PEBP4: variants seen among roughly 807,000 people sequenced by gnomAD.
The protein encoded by PEBP4 is phosphatidylethanolamine-binding protein 4.
Under a neutral mutation model 23.9 loss-of-function variants are expected in PEBP4, and 22 were observed. That is an observed-to-expected ratio of 0.92 (90% CI 0.66 to 1.31). The LOEUF (loss-of-function observed/expected upper bound fraction) is 1.31. Among genes scored for constraint, PEBP4 ranks in the 40% most tolerant of loss-of-function variants. The pLI, the probability that PEBP4 is intolerant of heterozygous loss-of-function variation, is 0.00. For missense variants in PEBP4, 324 were observed against 281.7 expected (o/e 1.15, Z -1.07); for synonymous variants, 112 against 99.3 (o/e 1.13, Z -0.76).
At chr8:22,926,365 G>A (rs1439652356) in intron 2 of PEBP4, among the ~76,000 whole-genome samples, 1 of 151,932 alleles carries the variant, frequency 6.6e-6, no homozygotes, top group African/African-American at 2.4e-5. Flanking sequence ...TTGTTGTTTA[G>A]GCAGGGTCTG....
At chr8:22,890,400 A>T (rs1808470287) in intron 3 of PEBP4, among the ~76,000 whole-genome samples, 1 of 152,222 alleles carries the variant, frequency 6.6e-6, no homozygotes, top group Admixed American at 6.5e-5. Context: ...TAGGAACTTT[A>T]TGTCAATAAG....
chr8:22,928,822 G>A (rs1430863434), upstream of PEBP4, among the ~76,000 whole-genome samples: 2 of 152,202 alleles, frequency 1.3e-5, no homozygotes, highest in South Asian at 2.1e-4. Flanking sequence ...TCACCGTGGT[G>A]CCTTGCTAAG....
rs543046135 is a variant in PEBP4 at position 22,775,097 on chromosome 8, C to T, written c.357+42540G>A. 8.5e-5 allele frequency among the ~76,000 whole-genome samples: 13 copies of T among 152,306 alleles called. No individual in the cohort carries two copies. In the East Asian group the frequency reaches 1.5e-3, roughly 18 times the overall value. ...TAAGTTAGCCATGTGATACATTTTCCGTTGCCTCTCTGGCATCAGTTTCCC... is the reference window on the plus strand; with the variant it reads ...TAAGTTAGCCATGTGATACATTTTCTGTTGCCTCTCTGGCATCAGTTTCCC... On this transcript the variant is annotated intron_variant, in intron 4 of 6. Transcript: ENST00000256404. The surrounding 1 kb of genome is among the most constrained non-coding windows in gnomAD (Gnocchi z 4.8).
At chr8:22,878,317 G>C (rs1481138036) in intron 3 of PEBP4, among the ~76,000 whole-genome samples, 3 of 152,022 alleles carry the variant, frequency 2.0e-5, no homozygotes, top group Non-Finnish European at 4.4e-5. Context: ...TGGTATTTGG[G>C]GGCCTCTACG....
At chr8:22,926,085 C>T (rs982358783) in intron 2 of PEBP4, among the ~76,000 whole-genome samples, 5 of 152,008 alleles carry the variant, frequency 3.3e-5, no homozygotes, top group African/African-American at 7.3e-5. Context: ...AAGGGATTCT[C>T]CTGCCTCAGC....
intron 3 of PEBP4, among the ~76,000 whole-genome samples, chr8:22,917,485 C>T (rs868413218): frequency 2.0e-5 from 3 of 152,172 alleles, no homozygotes; most frequent in African/African-American, 7.2e-5. Flanking sequence ...CCTGTGCCAG[C>T]GCCCCCTGGT....
chr8:22,800,738 C>G (rs1320591572), intron 4 of PEBP4, among the ~76,000 whole-genome samples: 6 of 152,104 alleles, frequency 3.9e-5, no homozygotes, highest in Non-Finnish European at 5.9e-5. Context: ...TGGCATGATA[C>G]CCAGAGCTGA....
chr8:22,787,630 A>C (rs1034248048), intron 4 of PEBP4, among the ~76,000 whole-genome samples: 1 of 152,172 alleles, frequency 6.6e-6, no homozygotes, highest in African/African-American at 2.4e-5. Context: ...GTCAACAAAC[A>C]CTTGTTGGGG....
At chr8:22,844,344 A>C (rs775372000) in intron 3 of PEBP4, among the ~76,000 whole-genome samples, 6 of 152,198 alleles carry the variant, frequency 3.9e-5, no homozygotes, top group Non-Finnish European at 7.3e-5. Context: ...GGTTCAAGCG[A>C]TCCTCCTGCC....
intron 4 of PEBP4, among the ~76,000 whole-genome samples, chr8:22,762,136 C>T (rs1009913609): frequency 6.6e-6 from 1 of 150,900 alleles, no homozygotes; most frequent in East Asian, 2.0e-4. Flanking sequence ...ATGGGTGAAA[C>T]AATATACCCT....
chr8:22,910,642 A>G (rs147558814), intron 3 of PEBP4, among the ~76,000 whole-genome samples: 1 of 152,376 alleles, frequency 6.6e-6, no homozygotes, highest in Non-Finnish European at 1.5e-5. Flanking sequence ...GCCCTTGTAT[A>G]GTGAAGAAGG....
chr8:22,801,544 G>A lies in PEBP4; in HGVS notation c.357+16093C>T, dbSNP rs150844341. Among the ~76,000 whole-genome samples the A allele has an allele frequency of 9.7e-3, 1,482 of 152,270 alleles. 22 individuals are homozygous for A. The highest frequency in any genetic ancestry group is 0.061 in the South Asian group (293 of 4,820). Reference sequence around the variant, plus strand: ...AGTTGGGGAAAGGGTGAGGGGTAGCGTCAGGGACCCTGGCCTCTACTGCCT... The same window carrying A: ...AGTTGGGGAAAGGGTGAGGGGTAGCATCAGGGACCCTGGCCTCTACTGCCT... On this transcript the variant is annotated intron_variant, in intron 4 of 6. Coordinates refer to ENST00000256404, the MANE Select transcript of PEBP4 (RefSeq NM_144962.3).
intron 3 of PEBP4, among the ~76,000 whole-genome samples, chr8:22,825,075 G>A (rs192361435): frequency 9.0e-4 from 137 of 152,372 alleles, no homozygotes; most frequent in Middle Eastern, 3.4e-3. Context: ...TGGTCTTGCA[G>A]ATCTCTCTCA....
At chr8:22,830,025 A>G (rs1175908666) in intron 3 of PEBP4, among the ~76,000 whole-genome samples, 1 of 151,880 alleles carries the variant, frequency 6.6e-6, no homozygotes, top group African/African-American at 2.4e-5. Context: ...CTTTATAGCA[A>G]TACCTTCTTC....
chr8:22,767,519 A>G (rs1402434535), intron 4 of PEBP4, among the ~76,000 whole-genome samples: 1 of 152,240 alleles, frequency 6.6e-6, no homozygotes, highest in African/African-American at 2.4e-5. Context: ...GGTGATTCCT[A>G]CGATAGAATA....
intron 4 of PEBP4, among the ~76,000 whole-genome samples, chr8:22,813,420 T>C (rs931475574): frequency 1.3e-5 from 2 of 152,254 alleles, no homozygotes; most frequent in Admixed American, 1.3e-4. Flanking sequence ...TCACCAATCA[T>C]GATATTCTTT....
chr8:22,877,447 C>T (rs945069330), intron 3 of PEBP4, among the ~76,000 whole-genome samples: 1 of 152,214 alleles, frequency 6.6e-6, no homozygotes, highest in Non-Finnish European at 1.5e-5. Flanking sequence ...TAGCCCAGCA[C>T]GACCCAAGTA....
intron 4 of PEBP4, among the ~76,000 whole-genome samples, chr8:22,799,791 A>G (rs1487357918): frequency 6.6e-6 from 1 of 152,180 alleles, no homozygotes; most frequent in Non-Finnish European, 1.5e-5. Flanking sequence ...CCTATGAGTG[A>G]GAACACGCGG....
At chr8:22,905,388 G>A (rs1808789739) in intron 3 of PEBP4, among the ~76,000 whole-genome samples, 1 of 151,732 alleles carries the variant, frequency 6.6e-6, no homozygotes, top group Non-Finnish European at 1.5e-5. Context: ...ATGTTCTCTC[G>A]GTTTGTCGTG....
Sources: allele counts gnomAD v4.1 joint callset (sites outside exome capture counted in the v4.1 genomes callset), GRCh38; gene constraint gnomAD v4.1.1; non-coding constraint Gnocchi (gnomAD v3.1); transcripts MANE v1.5; gene names NCBI Gene and HGNC (gene_info 2026-07-23, HGNC 2026-07-21).